RBFOX3: variants seen among roughly 807,000 people sequenced by gnomAD.
The protein encoded by RBFOX3 is RNA binding fox-1 homolog 3.
Under a neutral mutation model 48.7 loss-of-function variants are expected in RBFOX3, and 17 were observed. The observed-to-expected ratio is 0.35, with a 90% CI of 0.24 to 0.52. The LOEUF is 0.52. Ranked by LOEUF, RBFOX3 falls within the 20% of genes least tolerant of loss-of-function variation. The probability of loss-of-function intolerance (pLI) is 0.94; values close to 1 mark genes in which losing one functional copy is unlikely to be tolerated. For synonymous variants in RBFOX3, 212 were observed against 209.5 expected (o/e 1.01, Z -0.10); for missense variants, 382 against 497.5 (o/e 0.77, Z 2.21).
intron 4 of RBFOX3, among the ~76,000 whole-genome samples, chr17:79,144,002 G>T (rs1015436154): frequency 6.6e-6 from 1 of 152,226 alleles, no homozygotes; most frequent in Non-Finnish European, 1.5e-5. Context: ...GCCGGTGCCT[G>T]GATGGTAACA....
chr17:79,434,823 G>A (rs1383437395), intron 2 of RBFOX3, among the ~76,000 whole-genome samples: 1 of 152,138 alleles, frequency 6.6e-6, no homozygotes, highest in African/African-American at 2.4e-5. Flanking sequence ...CTTTTTCTCT[G>A]GAGATGGACT....
chr17:79,238,762 T>C (rs1014247108), intron 3 of RBFOX3, among the ~76,000 whole-genome samples: 1 of 152,204 alleles, frequency 6.6e-6, no homozygotes, highest in African/African-American at 2.4e-5. Flanking sequence ...AGGTGAAATA[T>C]GTCCTACCTG....
At chr17:79,175,763 A>G (rs1008695359) in intron 4 of RBFOX3, among the ~76,000 whole-genome samples, 15 of 152,228 alleles carry the variant, frequency 9.9e-5, no homozygotes, top group African/African-American at 3.6e-4. Flanking sequence ...GCTGTTCAGA[A>G]AGCCTGGATT....
At chr17:79,227,433 C>T (rs1327073494) in intron 4 of RBFOX3, among the ~76,000 whole-genome samples, 1 of 152,214 alleles carries the variant, frequency 6.6e-6, no homozygotes, top group Admixed American at 6.5e-5. Context: ...GTTTGAGCAT[C>T]AGCTCGTCCA....
At chr17:79,629,703 CT>C in the RBFOX3 span, among the ~76,000 whole-genome samples, 9 of 152,206 alleles carry the variant, frequency 5.9e-5, no homozygotes, top group Non-Finnish European at 1.0e-4. Context: ...GATTTATGTA[CT>C]AGAATATTTG....
chr17:79,429,735 T>C (rs1295646993), intron 2 of RBFOX3, among the ~76,000 whole-genome samples: 1 of 152,156 alleles, frequency 6.6e-6, no homozygotes, highest in Non-Finnish European at 1.5e-5. Context: ...TGGGAATCAA[T>C]GACTCGTCGG....
chr17:79,435,644 G>A (rs536295695), intron 2 of RBFOX3, among the ~76,000 whole-genome samples: 15 of 152,310 alleles, frequency 9.8e-5, no homozygotes, highest in South Asian at 4.1e-4. Context: ...GTTGGTCCCC[G>A]GGCTCAGGCC....
chr17:79,209,541 C>G (rs1342560100), intron 4 of RBFOX3, among the ~76,000 whole-genome samples: 2 of 152,354 alleles, frequency 1.3e-5, no homozygotes, highest in East Asian at 3.9e-4. Flanking sequence ...TTCTCCTCCT[C>G]TAGGCAGTGA....
chr17:79,420,025 G>A (rs2148715140), intron 2 of RBFOX3, among the ~76,000 whole-genome samples: 1 of 152,210 alleles, frequency 6.6e-6, no homozygotes, highest in East Asian at 1.9e-4. Context: ...TACTCAGGAG[G>A]CTGAGGCAGG....
chr17:79,412,836 G>A (rs2064680185), intron 2 of RBFOX3, among the ~76,000 whole-genome samples: 2 of 150,390 alleles, frequency 1.3e-5, no homozygotes, highest in South Asian at 2.1e-4. Context: ...TATATGTGAG[G>A]GCATGGTGCG....
At chr17:79,330,914 C>G (rs1035003095) in intron 2 of RBFOX3, among the ~76,000 whole-genome samples, 10 of 152,352 alleles carry the variant, frequency 6.6e-5, no homozygotes, top group Middle Eastern at 3.4e-3. Flanking sequence ...TCGGCCACGT[C>G]TCGCTGTGTT....
In RBFOX3 at chr17:79,437,770, G is replaced by T. The variant is rs141174235; in HGVS notation, c.-175+44684C>A. On this transcript the variant is annotated intron_variant, in intron 2 of 14. Transcript: ENST00000693108. ...CTGAAACCTGTGTCATCTCCCAAAGGGTATTTCCAGAAGGCATCTGGCTCC... is the reference window on the plus strand; with the variant it reads ...CTGAAACCTGTGTCATCTCCCAAAGTGTATTTCCAGAAGGCATCTGGCTCC... 1.8e-4 allele frequency among the ~76,000 whole-genome samples: 28 copies of T among 152,324 alleles called. No homozygotes were observed. In the East Asian group the frequency reaches 4.2e-3, roughly 23 times the overall value.
chr17:79,505,525 T>C (rs1555778476), intron 1 of RBFOX3, among the ~76,000 whole-genome samples: 1 of 152,202 alleles, frequency 6.6e-6, no homozygotes, highest in African/African-American at 2.4e-5. Flanking sequence ...TTCTGTCTCC[T>C]TCACCTCCCC....
rs568602718 is a variant in RBFOX3, at chr17:79,161,593, T to G, written c.-33-45845A>C. ...TTCCGGTTATGGCTCTTCCGTTTTTTTTTTGTGTGTGTGTTTTTTTGAGAC... is the reference window on the plus strand; with the variant it reads ...TTCCGGTTATGGCTCTTCCGTTTTTGTTTTGTGTGTGTGTTTTTTTGAGAC... On this transcript the variant is annotated intron_variant, in intron 4 of 14. Transcript: ENST00000693108. 2.6e-5 allele frequency among the ~76,000 whole-genome samples: 4 copies of G among 152,304 alleles called. No homozygotes were observed. The East Asian group carries it at 7.7e-4, about 29-fold the overall frequency.
At chr17:79,546,728 G>A (rs1326812570) in intron 1 of RBFOX3, among the ~76,000 whole-genome samples, 1 of 148,730 alleles carries the variant, frequency 6.7e-6, no homozygotes, top group Non-Finnish European at 1.5e-5. Context: ...GGAGTGCAGT[G>A]GTGCTATCTC....
intron 3 of RBFOX3, among the ~76,000 whole-genome samples, chr17:79,280,219 G>GCA (rs1379985893): frequency 1.1e-5 from 1 of 95,228 alleles, no homozygotes; most frequent in Non-Finnish European, 2.1e-5. Flanking sequence ...TCACAAACAT[G>GCA]CACACACACG....
At position 79,252,213 on chromosome 17, in the gene RBFOX3, A is replaced by G. The variant is rs1312603710; in HGVS notation, c.-73-16408T>C. 6.6e-6 allele frequency among the ~76,000 whole-genome samples: 1 copy of G among 152,068 alleles called. No individual in the cohort carries two copies. Among genetic ancestry groups the G allele is most frequent in the Non-Finnish European group, 1.5e-5 (1 of 68,004 alleles). On this transcript the variant is annotated intron_variant, in intron 3 of 14. Transcript: ENST00000693108. The surrounding 1 kb of genome is among the most constrained non-coding windows in gnomAD (Gnocchi z 4.0). ...CCACCCTTTACTTTCTCCCCAGGCA[A>G]CTTCAGAGGTCTGGCTTCAACCCGC...
chr17:79,201,035 T>A (rs2056672240), intron 4 of RBFOX3, among the ~76,000 whole-genome samples: 1 of 151,906 alleles, frequency 6.6e-6, no homozygotes, highest in Admixed American at 6.6e-5. Context: ...TCCCCACGAC[T>A]CCTTCTCTCC....
chr17:79,280,142 CAT>C (rs1355696612), intron 3 of RBFOX3, among the ~76,000 whole-genome samples: 1 of 138,658 alleles, frequency 7.2e-6, no homozygotes, highest in African/African-American at 2.8e-5. Flanking sequence ...ATGTCACACA[CAT>C]GTGCGTGCAC....
Sources: gnomAD v4.1 joint callset for allele counts (sites outside exome capture counted in the v4.1 genomes callset) on GRCh38, gnomAD v4.1.1 for gene constraint, Gnocchi (gnomAD v3.1) non-coding constraint, MANE v1.5 for transcripts, NCBI Gene and HGNC (gene_info 2026-07-23, HGNC 2026-07-21) for gene names.